TNIP3: variants seen among roughly 807,000 people sequenced by gnomAD.
TNIP3 encodes the protein TNFAIP3-interacting protein 3.
Under a neutral mutation model 54.1 loss-of-function variants are expected in TNIP3, and 34 were observed. The observed-to-expected ratio is 0.63, with a 90% CI of 0.48 to 0.84. The LOEUF is 0.84. TNIP3 is among the 40% of genes least tolerant of loss of function. The pLI is 0.00. For synonymous variants in TNIP3, 134 were observed against 136.8 expected (o/e 0.98, Z 0.14); for missense variants, 366 against 387.6 (o/e 0.94, Z 0.47).
chr4:121,187,275 C>T (rs115671731), intron 2 of TNIP3, among the ~76,000 whole-genome samples: 3,968 of 152,318 alleles, frequency 0.026, 86 homozygotes, highest in Admixed American at 0.036. Context: ...TCTGTGGGTA[C>T]ATAGTTGTTC....
intron 4 of TNIP3, 34 bp from the exon 5 acceptor site, chr4:121,154,713 C>T: frequency 6.4e-7 from 1 of 1,559,746 alleles, no homozygotes; most frequent in Non-Finnish European, 8.6e-7. Context: ...AAATAAAAGT[C>T]AGTACAAGTC....
At chr4:121,159,383 T>C (rs982643834) in intron 2 of TNIP3, among the ~76,000 whole-genome samples, 1 of 152,260 alleles carries the variant, frequency 6.6e-6, no homozygotes, top group African/African-American at 2.4e-5. Flanking sequence ...CTTTGTTTAA[T>C]CCAACCACAA....
At chr4:121,160,440 C>T (rs955626326) in intron 2 of TNIP3, among the ~76,000 whole-genome samples, 18 of 151,284 alleles carry the variant, frequency 1.2e-4, no homozygotes, top group African/African-American at 4.1e-4. Context: ...GATCGTGCCA[C>T]TGCACTCCAG....
intron 2 of TNIP3, among the ~76,000 whole-genome samples, chr4:121,213,981 A>C (rs1726636486): frequency 6.6e-6 from 1 of 152,172 alleles, no homozygotes; most frequent in African/African-American, 2.4e-5. Flanking sequence ...CTGACAATCA[A>C]AAGTATTCCT....
rs143521869 is a variant in TNIP3 at position 121,152,206 on chromosome 4, T to TG, written c.493-1988dup. On this transcript the variant is annotated intron_variant, in intron 5 of 10. Coordinates refer to ENST00000057513, the MANE Select transcript of TNIP3 (RefSeq NM_024873.6). ...GTAGGCCCTGGATTCCATGCTGTGA[T>TG]GGATGGTGTGCAAAATCAGCTACCA... Among the ~76,000 whole-genome samples the TG allele has an allele frequency of 2.5e-3, 374 of 152,318 alleles. 1 individual carries two copies. The highest frequency in any genetic ancestry group is 8.5e-3 in the African/African-American group (353 of 41,578).
chr4:121,138,624 C>A lies in TNIP3; in HGVS notation c.946G>T (p.Gly316Cys). ...ATGCTCAATACAGCTGTGGTCTCACCATTTGCCTTGTGTTGTACATCTGGC... is the reference window on the plus strand; with the variant it reads ...ATGCTCAATACAGCTGTGGTCTCACAATTTGCCTTGTGTTGTACATCTGGC... ...LPPDVQHKAN[G>C]LSSVKKVHP Residue 316 changes from glycine (G) to cysteine (C), a missense_variant and splice_region_variant, in exon 10 of 11, where the codon GGT becomes TGT. Coordinates refer to ENST00000057513, the MANE Select transcript of TNIP3 (RefSeq NM_024873.6). The A allele has an allele frequency of 6.2e-7, 1 of 1,613,728 alleles. No homozygotes were observed. Among genetic ancestry groups the A allele is most frequent in the Non-Finnish European group, 8.5e-7 (1 of 1,179,628 alleles).
At chr4:121,158,778 C>T (rs774115453) in intron 2 of TNIP3, 26 bp from the exon 3 acceptor site, 2 of 1,589,868 alleles carry the variant, frequency 1.3e-6, no homozygotes, top group Admixed American at 3.6e-5. Flanking sequence ...TTTGGTGAAT[C>T]AACAAAGAAT....
upstream of TNIP3, among the ~76,000 whole-genome samples, chr4:121,166,278 T>C (rs772887588): frequency 2.0e-5 from 3 of 152,254 alleles, no homozygotes; most frequent in African/African-American, 7.2e-5. Context: ...GAGAGCCATA[T>C]GGTTATTTAT....
At chr4:121,161,812 G>T (rs1730470956) in intron 1 of TNIP3, among the ~76,000 whole-genome samples, 1 of 151,310 alleles carries the variant, frequency 6.6e-6, no homozygotes. Context: ...TAAATTACTG[G>T]CATAATGAAA....
Position 121,164,087 on chromosome 4 carries a change from G to A in TNIP3, c.39C>T (p.Ala13=), listed in dbSNP as rs371666769. 4.8e-5 allele frequency: 78 copies of A among 1,613,376 alleles called. No individual in the cohort carries two copies. Among genetic ancestry groups the A allele is most frequent in the East Asian group, 2.2e-4 (10 of 44,844 alleles). ...CTTTATGCTCCGTAGAACTTTCTGCGGCAATCATTCTAGATGTGCCCTGTA... is the reference window on the plus strand; with the variant it reads ...CTTTATGCTCCGTAGAACTTTCTGCAGCAATCATTCTAGATGTGCCCTGTA... The part of the protein sequence containing the change: ...HFVQGTSRMI[A]AESSTEHKEC... The change falls in exon 1 of 11, where the codon GCC becomes GCT. Residue 13 remains alanine (A), a synonymous_variant. Coordinates refer to ENST00000057513, the MANE Select transcript of TNIP3 (RefSeq NM_024873.6).
intron 2 of TNIP3, among the ~76,000 whole-genome samples, chr4:121,213,008 T>C (rs552812175): frequency 1.3e-5 from 2 of 152,304 alleles, no homozygotes; most frequent in Non-Finnish European, 2.9e-5. Flanking sequence ...TAAGGGACTT[T>C]TAATAGCCAG....
chr4:121,226,276 A>G (rs868488791), intron 1 of TNIP3, among the ~76,000 whole-genome samples: 16 of 152,146 alleles, frequency 1.1e-4, no homozygotes, highest in Admixed American at 3.9e-4. Context: ...ACAAAGAAAG[A>G]GAGACAGAGT....
chr4:121,219,025 T>C (rs1726923573), upstream of TNIP3, among the ~76,000 whole-genome samples: 1 of 151,802 alleles, frequency 6.6e-6, no homozygotes, highest in South Asian at 2.1e-4. Context: ...AATGGAGAAA[T>C]GGTGTCTCTA....
chr4:121,204,406 T>C (rs1243811897), intron 2 of TNIP3, among the ~76,000 whole-genome samples: 1 of 152,204 alleles, frequency 6.6e-6, no homozygotes, highest in Middle Eastern at 3.2e-3. Context: ...CCAATGTTTG[T>C]CTTACATATA....
At chr4:121,203,261 A>AT (rs56735757) in intron 2 of TNIP3, among the ~76,000 whole-genome samples, 7 of 152,136 alleles carry the variant, frequency 4.6e-5, no homozygotes, top group South Asian at 2.1e-4. Flanking sequence ...AGATAGATAG[A>AT]AAGATACCAT....
At chr4:121,193,184 T>C (rs1417710551) in intron 2 of TNIP3, among the ~76,000 whole-genome samples, 1 of 152,176 alleles carries the variant, frequency 6.6e-6, no homozygotes, top group East Asian at 1.9e-4. Flanking sequence ...GGACACGCTA[T>C]CAGAGATGAG....
upstream of TNIP3, among the ~76,000 whole-genome samples, chr4:121,169,143 C>T (rs1157144037): frequency 6.6e-6 from 1 of 152,152 alleles, no homozygotes; most frequent in African/African-American, 2.4e-5. Flanking sequence ...CCATGTCACT[C>T]ATAGTGAAAG....
At position 121,157,162 on chromosome 4, in the gene TNIP3, T is replaced by C. The variant is rs10000692; in HGVS notation, c.295A>G (p.Lys99Glu). ...TCGTCCTCTCTCTGCCTGTCGTCCT[T>C]TCTCTGCCTCTGATGCGGATCCTTC... ...REKDPHQRQR[K>E]DDRQREDDRQ... The change falls in exon 4 of 11, where the codon AAG becomes GAG. Residue 99 changes from lysine (K) to glutamate (E), a missense_variant. Physicochemically the swap from Lys to Glu is moderately conservative, Grantham distance 56 (BLOSUM62 1). Coordinates refer to ENST00000057513, the MANE Select transcript of TNIP3 (RefSeq NM_024873.6). 5.3e-6 allele frequency: 8 copies of C among 1,502,404 alleles called. No homozygotes were observed. The highest frequency in any genetic ancestry group is 1.8e-5 in the African/African-American group (1 of 56,762). 93.1% of individuals were successfully genotyped at this position (1,502,404 alleles called of 1,614,324 possible).
upstream of TNIP3, among the ~76,000 whole-genome samples, chr4:121,165,659 T>TTGTG (rs67730856): frequency 0.092 from 13,451 of 146,708 alleles, 963 homozygotes; most frequent in African/African-American, 0.21. Flanking sequence ...TTTTGCTAGT[T>TTGTG]TGTGTGTGTG....
Sources: gnomAD v4.1 joint callset for allele counts (sites outside exome capture counted in the v4.1 genomes callset) on GRCh38, gnomAD v4.1.1 for gene constraint, MANE v1.5 for transcripts, NCBI Gene and HGNC (gene_info 2026-07-23, HGNC 2026-07-21) for gene names.